The following PREP variants were observed in gnomAD, a reference collection of about 807,000 sequenced individuals.
The protein encoded by PREP is dJ355L5.1 (prolyl endopeptidase).
In PREP, 29 loss-of-function variants were observed where a neutral mutation model predicts 87.6. That is an observed-to-expected ratio of 0.33 (90% CI 0.25 to 0.45). The LOEUF is 0.45. PREP is among the 20% of genes least tolerant of loss of function. PREP has a pLI of 1.00. For synonymous variants in PREP, 337 were observed against 328.6 expected, an observed-to-expected ratio of 1.03 and a Z score of -0.28; for missense variants, 695 against 886.5, an observed-to-expected ratio of 0.78 and a Z score of 2.74.
At chr6:105,351,157 G>A (rs1771941782) in intron 7 of PREP, among the ~76,000 whole-genome samples, 1 of 152,184 alleles carries the variant, frequency 6.6e-6, no homozygotes, top group African/African-American at 2.4e-5. Flanking sequence ...TGCTGTGAAA[G>A]TATTTTGTAG....
At chr6:105,312,150 T>A (rs1386785676) in intron 10 of PREP, among the ~76,000 whole-genome samples, 1 of 152,240 alleles carries the variant, frequency 6.6e-6, no homozygotes, top group African/African-American at 2.4e-5. Flanking sequence ...GCTAAATGAT[T>A]TTCTATTTGA....
chr6:105,348,915 C>G (rs1451869911), intron 7 of PREP, among the ~76,000 whole-genome samples: 1 of 151,896 alleles, frequency 6.6e-6, no homozygotes, highest in Non-Finnish European at 1.5e-5. Flanking sequence ...GCCTGGTAGC[C>G]CCTGACAGGG....
intron 10 of PREP, among the ~76,000 whole-genome samples, chr6:105,308,563 C>T (rs1770697358): frequency 6.6e-6 from 1 of 152,056 alleles, no homozygotes; most frequent in Non-Finnish European, 1.5e-5. Context: ...AAGTAAAACT[C>T]GTAGTACAAC....
At chr6:105,380,981 C>T (rs1387020705) in intron 2 of PREP, among the ~76,000 whole-genome samples, 3 of 152,222 alleles carry the variant, frequency 2.0e-5, no homozygotes, top group African/African-American at 7.2e-5. Flanking sequence ...ATTACAACTA[C>T]TGCAACATAA....
chr6:105,309,865 T>C (rs1770726652), intron 10 of PREP, among the ~76,000 whole-genome samples: 1 of 152,192 alleles, frequency 6.6e-6, no homozygotes, highest in South Asian at 2.1e-4. Context: ...AACCAAACTA[T>C]CAATGCACCA....
intron 5 of PREP, 124 bp downstream of exon 5, chr6:105,373,245 A>G (rs1405073371): frequency 2.8e-6 from 3 of 1,058,372 alleles, no homozygotes; most frequent in Non-Finnish European, 4.2e-6. Context: ...CTGATACAAC[A>G]TCCTTTGAGG....
intron 12 of PREP, among the ~76,000 whole-genome samples, chr6:105,283,458 C>T (rs1025164338): frequency 3.3e-5 from 5 of 152,138 alleles, no homozygotes; most frequent in African/African-American, 9.7e-5. Context: ...TGAGATTAAC[C>T]ACTTCTGCTG....
intron 2 of PREP, among the ~76,000 whole-genome samples, chr6:105,394,907 C>T (rs1773250308): frequency 6.6e-6 from 1 of 152,104 alleles, no homozygotes; most frequent in Non-Finnish European, 1.5e-5. Flanking sequence ...GTAATCATGT[C>T]ATTGTCAGAA....
At chr6:105,284,997 G>A (rs577353742) in intron 12 of PREP, among the ~76,000 whole-genome samples, 3 of 152,304 alleles carry the variant, frequency 2.0e-5, no homozygotes, top group South Asian at 4.1e-4. Context: ...CAGCAATGCC[G>A]GGAAGATCTG....
intron 10 of PREP, among the ~76,000 whole-genome samples, chr6:105,317,805 G>C (rs1227121989): frequency 2.0e-5 from 3 of 152,164 alleles, no homozygotes. Flanking sequence ...ATCCCTCAGA[G>C]TCCATCCTAA....
rs1370108678 is a variant in PREP at position 105,333,471 on chromosome 6, A to C, written c.858T>G (p.Phe286Leu). The C allele has an allele frequency of 6.2e-7, 1 of 1,614,128 alleles. No individual in the cohort carries two copies. The highest frequency in any genetic ancestry group is 1.3e-5 in the African/African-American group (1 of 75,026). The change falls in exon 8 of 15, where the codon TTT becomes TTG. Residue 286 changes from phenylalanine to leucine, a missense_variant. This residue lies in a region of PREP where 517 missense variants were observed against 620.3 expected (regional missense o/e 0.83). Coordinates refer to ENST00000652536, the MANE Select transcript of PREP (RefSeq NM_002726.5). ...TGGTCACGTAGTCATATTCCCCTTC[A>C]AAGTTGTCAATCAGTTTTACCCACT... The part of the protein sequence containing the change: ...ILKWVKLIDN[F>L]EGEYDYVTNE...
intron 11 of PREP, among the ~76,000 whole-genome samples, chr6:105,286,960 A>T (rs1770199853): frequency 6.6e-6 from 1 of 151,940 alleles, no homozygotes; most frequent in African/African-American, 2.4e-5. Context: ...GCTCAAGGTG[A>T]CTCATTGTCC....
chr6:105,322,449 G>A (rs1199091140), intron 10 of PREP: 1 of 984,978 alleles, frequency 1.0e-6, no homozygotes, highest in African/African-American at 1.7e-5. Flanking sequence ...TGCCCCACGT[G>A]GATTTCAGGC....
intron 1 of PREP, among the ~76,000 whole-genome samples, chr6:105,400,627 C>T (rs1773403124): frequency 6.6e-6 from 1 of 152,150 alleles, no homozygotes; most frequent in African/African-American, 2.4e-5. Flanking sequence ...CTCCTCTCAC[C>T]CTAAATCCTC....
At chr6:105,337,094 C>T (rs1771502962) in intron 7 of PREP, among the ~76,000 whole-genome samples, 1 of 152,150 alleles carries the variant, frequency 6.6e-6, no homozygotes, top group African/African-American at 2.4e-5. Flanking sequence ...AAGCATCACA[C>T]TGTGTAAGTA....
At chr6:105,297,196 T>C (rs1770428575) in intron 10 of PREP, among the ~76,000 whole-genome samples, 2 of 152,202 alleles carry the variant, frequency 1.3e-5, no homozygotes, top group South Asian at 4.1e-4. Flanking sequence ...CAGGCACCCA[T>C]GTGGTCATTT....
chr6:105,355,678 A>G (rs1345215800), intron 6 of PREP, among the ~76,000 whole-genome samples: 1 of 152,100 alleles, frequency 6.6e-6, no homozygotes, highest in Admixed American at 6.5e-5. Flanking sequence ...TCTCATGTAT[A>G]TATTTTTTGT....
chr6:105,309,475 G>A (rs187004450), intron 10 of PREP, among the ~76,000 whole-genome samples: 7 of 152,196 alleles, frequency 4.6e-5, no homozygotes, highest in East Asian at 1.9e-4. Context: ...TCAGCCTCCC[G>A]AGTAGCTGGG....
intron 2 of PREP, among the ~76,000 whole-genome samples, chr6:105,390,667 A>G (rs1433889976): frequency 2.0e-5 from 3 of 152,246 alleles, no homozygotes. Context: ...TGAAGACACA[A>G]TAAGATGGAG....
Sources: gnomAD v4.1 joint callset for allele counts (sites outside exome capture counted in the v4.1 genomes callset) on GRCh38, gnomAD v4.1.1 for gene constraint, gnomAD v4.1.1 regional missense constraint, MANE v1.5 for transcripts, NCBI Gene and HGNC (gene_info 2026-07-23, HGNC 2026-07-21) for gene names.